AKAP9: variants seen among roughly 807,000 people sequenced by gnomAD.
The protein encoded by AKAP9 is A-kinase anchor protein 9.
A neutral mutation model predicts 488.5 loss-of-function variants in AKAP9; 311 were observed. The observed-to-expected ratio is 0.64, with a 90% CI of 0.58 to 0.70. The LOEUF (loss-of-function observed/expected upper bound fraction) is 0.70. Among genes scored for constraint, AKAP9 ranks in the 30% least tolerant of loss-of-function variants. The probability of loss-of-function intolerance (pLI) is 0.00; values close to 1 mark genes in which losing one functional copy is unlikely to be tolerated. For missense variants in AKAP9, 4,215 were observed against 4,374.5 expected, an observed-to-expected ratio of 0.96 and a Z score of 1.03; for synonymous variants, 1,462 against 1,483.5, an observed-to-expected ratio of 0.99 and a Z score of 0.33.
chr7:91,945,449 G>C (rs1375039025), intron 1 of AKAP9, among the ~76,000 whole-genome samples: 2 of 152,324 alleles, frequency 1.3e-5, no homozygotes, highest in Non-Finnish European at 2.9e-5. Context: ...GGAGGTTGCA[G>C]TGAACCGAGG....
At chr7:91,948,605 C>CTTTTTTTT (rs55928500) in intron 1 of AKAP9, among the ~76,000 whole-genome samples, 4 of 107,560 alleles carry the variant, frequency 3.7e-5, no homozygotes, top group Admixed American at 9.4e-5. Context: ...TTGTAGATTT[C>CTTTTTTTT]TTTTTTTTTT....
At chr7:91,942,648 T>C (rs1227013831) in intron 1 of AKAP9, among the ~76,000 whole-genome samples, 2 of 152,242 alleles carry the variant, frequency 1.3e-5, no homozygotes, top group African/African-American at 2.4e-5. Context: ...TGAATATATG[T>C]GAAGCAGTCC....
chr7:91,998,353 G>A (rs574426702), intron 7 of AKAP9, among the ~76,000 whole-genome samples: 13 of 144,744 alleles, frequency 9.0e-5, no homozygotes, highest in African/African-American at 1.8e-4. Context: ...CATTGGTGCC[G>A]TAGCATAGTA....
chr7:91,986,464 C>T (rs1214871024), intron 3 of AKAP9, among the ~76,000 whole-genome samples: 1 of 152,208 alleles, frequency 6.6e-6, no homozygotes, highest in Non-Finnish European at 1.5e-5. Context: ...GCAGAAATCA[C>T]CCGTCTTCTG....
chr7:91,989,368 A>G (rs1020573708), intron 3 of AKAP9, among the ~76,000 whole-genome samples: 1 of 152,134 alleles, frequency 6.6e-6, no homozygotes, highest in African/African-American at 2.4e-5. Context: ...GAGAAATCGG[A>G]CTAAATGAAA....
At chr7:92,109,719 C>T (rs887586589) in intron 49 of AKAP9, among the ~76,000 whole-genome samples, 1 of 152,148 alleles carries the variant, frequency 6.6e-6, no homozygotes, top group Non-Finnish European at 1.5e-5. Flanking sequence ...AGGCGGATCA[C>T]TAGGTCAGGA....
At chr7:92,059,979 G>T (rs530937219) in intron 22 of AKAP9, among the ~76,000 whole-genome samples, 3 of 151,550 alleles carry the variant, frequency 2.0e-5, no homozygotes, top group African/African-American at 7.3e-5. Flanking sequence ...AGTCTTATAC[G>T]TGTATTCATA....
At chr7:91,946,067 G>A (rs918792814) in intron 1 of AKAP9, among the ~76,000 whole-genome samples, 1 of 152,176 alleles carries the variant, frequency 6.6e-6, no homozygotes, top group Non-Finnish European at 1.5e-5. Flanking sequence ...AGTGTGAAGA[G>A]TAGTTCCAAT....
intron 3 of AKAP9, among the ~76,000 whole-genome samples, chr7:91,985,821 G>T (rs545184865): frequency 6.6e-6 from 1 of 152,002 alleles, no homozygotes; most frequent in Admixed American, 6.6e-5. Context: ...CTAATTTTTC[G>T]TATTTTTATT....
intron 1 of AKAP9, among the ~76,000 whole-genome samples, chr7:91,944,813 C>T (rs1584510282): frequency 6.6e-6 from 1 of 152,150 alleles, no homozygotes. Flanking sequence ...CCTATTTTAG[C>T]GTAGGCCTGG....
intron 1 of AKAP9, among the ~76,000 whole-genome samples, chr7:91,955,082 G>A (rs947738357): frequency 6.6e-6 from 1 of 152,032 alleles, no homozygotes; most frequent in Non-Finnish European, 1.5e-5. Flanking sequence ...GAATCTCCTC[G>A]TGTTATCTTT....
At chr7:91,997,906 A>G (rs959972965) in intron 7 of AKAP9, among the ~76,000 whole-genome samples, 3 of 152,128 alleles carry the variant, frequency 2.0e-5, no homozygotes, top group Non-Finnish European at 4.4e-5. Flanking sequence ...TAATAATTCT[A>G]TCGGCAGCTG....
rs781049954 is a variant in AKAP9, at chr7:92,069,983, T to A, written c.6331-47T>A. The A allele has an allele frequency of 5.8e-6, 9 of 1,561,194 alleles. No homozygotes were observed. In the South Asian group the frequency reaches 1.0e-4, roughly 18 times the overall value. On this transcript the variant is annotated intron_variant, in intron 26 of 49. Transcript: ENST00000356239. The stretch of plus-strand genomic sequence containing the variant: ...GATAACTCAACCTATACTAACTAGC[T>A]TGCTGAAATTTTTTTTAAATTAAAT...
At chr7:91,989,795 G>T (rs1797546586) in intron 3 of AKAP9, among the ~76,000 whole-genome samples, 1 of 151,900 alleles carries the variant, frequency 6.6e-6, no homozygotes, top group Admixed American at 6.6e-5. Context: ...CAATATTAAT[G>T]TTTTTAATTT....
chr7:92,085,900 T>G (rs1198855917), intron 36 of AKAP9, among the ~76,000 whole-genome samples: 1 of 151,998 alleles, frequency 6.6e-6, no homozygotes, highest in Non-Finnish European at 1.5e-5. Flanking sequence ...AGTCAGGAGT[T>G]CAAGACCAGC....
chr7:92,018,588 A>C (rs1056375835), intron 12 of AKAP9, among the ~76,000 whole-genome samples: 119 of 152,302 alleles, frequency 7.8e-4, no homozygotes, highest in Non-Finnish European at 5.1e-4. Flanking sequence ...CTCAGATATA[A>C]ACACATGCTC....
intron 3 of AKAP9, among the ~76,000 whole-genome samples, chr7:91,984,888 T>C (rs566249578): frequency 1.3e-5 from 2 of 152,282 alleles, no homozygotes; most frequent in South Asian, 4.1e-4. Context: ...ATTCTCTTTG[T>C]AGGAATTGTG....
chr7:91,986,782 A>G (rs1360611995), intron 3 of AKAP9, among the ~76,000 whole-genome samples: 1 of 152,124 alleles, frequency 6.6e-6, no homozygotes, highest in East Asian at 1.9e-4. Context: ...TACAAATAGT[A>G]TTTAAGTGTA....
At chr7:91,948,605 C>CCTTTTTTTTTTTTTTTTTTTTTTTTTTT (rs1791773313) in intron 1 of AKAP9, among the ~76,000 whole-genome samples, 1 of 107,564 alleles carries the variant, frequency 9.3e-6, no homozygotes. Flanking sequence ...TTGTAGATTT[C>CCTTTTTTTTTTTTTTTTTTTTTTTTTTT]TTTTTTTTTT....
Sources: allele counts gnomAD v4.1 joint callset (sites outside exome capture counted in the v4.1 genomes callset), GRCh38; gene constraint gnomAD v4.1.1; transcripts MANE v1.5; gene names NCBI Gene and HGNC (gene_info 2026-07-23, HGNC 2026-07-21).